TOR1AIP2: variants seen among roughly 807,000 people sequenced by gnomAD.
The protein encoded by TOR1AIP2 is torsin 1A interacting protein 2, also known as torsin-1A-interacting protein 2.
TOR1AIP2 carries 20 observed loss-of-function variants against 32.6 expected under a neutral mutation model. That is an observed-to-expected ratio of 0.61 (90% CI 0.43 to 0.89). The LOEUF is 0.89. Among genes scored for constraint, TOR1AIP2 ranks in the 40% least tolerant of loss-of-function variants. The pLI, the probability that TOR1AIP2 is intolerant of heterozygous loss-of-function variation, is 0.00. For synonymous variants in TOR1AIP2, 214 were observed against 210.8 expected (o/e 1.02, Z -0.13); for missense variants, 456 against 553.8 (o/e 0.82, Z 1.77).
chr1:179,848,934 T>C (rs1458134639), intron 5 of TOR1AIP2, among the ~76,000 whole-genome samples: 1 of 151,510 alleles, frequency 6.6e-6, no homozygotes, highest in Non-Finnish European at 1.5e-5. Context: ...ATCGAGACCA[T>C]CCTGGCTAAT....
intron 3 of TOR1AIP2, among the ~76,000 whole-genome samples, chr1:179,857,882 T>C (rs1175111474): frequency 1.3e-5 from 2 of 152,154 alleles, no homozygotes; most frequent in African/African-American, 4.8e-5. Context: ...TCACTTTATG[T>C]ATTAACTCAT....
intron 3 of TOR1AIP2, chr1:179,858,880 C>T (rs1276764800): frequency 6.0e-6 from 2 of 332,236 alleles, no homozygotes; most frequent in Non-Finnish European, 8.6e-6. Context: ...GGAGGGGAGG[C>T]AGGGTAGGTA....
At chr1:179,874,443 A>C (rs952653871) in intron 2 of TOR1AIP2, 1 of 152,228 alleles carries the variant, frequency 6.6e-6, no homozygotes, top group Non-Finnish European at 1.5e-5. Context: ...AAATAGTTAT[A>C]AAGTACCTTT....
chr1:179,860,933 T>C lies in TOR1AIP2; in HGVS notation c.-147+4503A>G, dbSNP rs540701581. The C allele has an allele frequency of 1.7e-5, 17 of 985,532 alleles. No homozygotes were observed. The African/African-American group carries it at 2.6e-4, about 15-fold the overall frequency. The allele number at this position is 985,532 out of a possible 1,614,324, so 61.0% of individuals were successfully genotyped here. ...TGGATGCCATGGACTCATTTCTGCC[T>C]TCCTGTTTGCCTGGGCTTCCTTCAC... On this transcript the variant is annotated intron_variant, in intron 3 of 6. Transcript: ENST00000609928.
intron 3 of TOR1AIP2, chr1:179,864,108 A>G (rs1317325529): frequency 4.1e-6 from 4 of 985,346 alleles, no homozygotes; most frequent in Non-Finnish European, 4.8e-6. Context: ...AAGTATGGAC[A>G]GGTGGCATTT....
chr1:179,850,736 C>G, intron 5 of TOR1AIP2, 109 bp downstream of exon 5: 2 of 1,383,606 alleles, frequency 1.4e-6, no homozygotes, highest in East Asian at 2.3e-5. Context: ...AGGCCTTACT[C>G]CTATGAAAGA....
intron 2 of TOR1AIP2, chr1:179,868,768 T>TA (rs1478703665): frequency 1.3e-5 from 2 of 151,940 alleles, no homozygotes; most frequent in African/African-American, 2.4e-5. Flanking sequence ...AGGAAAAAAA[T>TA]AAACACATGC....
intron 3 of TOR1AIP2, chr1:179,861,026 T>C: frequency 5.1e-6 from 5 of 985,478 alleles, no homozygotes; most frequent in Non-Finnish European, 6.0e-6. Context: ...TTGGTGGATG[T>C]ATTTTCTTTC....
rs572822426 is a variant in TOR1AIP2, at chr1:179,864,640, C to T, written c.-147+796G>A. 151 of 1,455,584 alleles carry T rather than the reference C, an allele frequency of 1.0e-4. No homozygotes were observed. The African/African-American group carries it at 2.0e-3, about 19-fold the overall frequency. The allele number at this position is 1,455,584 out of a possible 1,614,324, so 90.2% of individuals were successfully genotyped here. On this transcript the variant is annotated intron_variant, in intron 3 of 6. Transcript: ENST00000609928. ...TCATGTGAATAAAATATGTATAGGC[C>T]ACGGAAGCAGATCCAACAATTTAAG...
Position 179,846,172 on chromosome 1 carries a change from T to G in TOR1AIP2, c.1312A>C (p.Met438Leu). Residue 438 changes from methionine (M) to leucine (L), a missense_variant, in exon 7 of 7, where the codon ATG becomes CTG. Transcript: ENST00000609928. ...AGCCCACTCAATTTGTCTGAGTCCA[T>G]GTGGTTGAAGGAGGTGGGAGTGTCA... The part of the protein sequence containing the change: ...NSDTPTSFNH[M>L]DSDKLSGLWS... The G allele has an allele frequency of 6.2e-7, 1 of 1,614,166 alleles. No individual in the cohort carries two copies. The highest frequency in any genetic ancestry group is 8.5e-7 in the Non-Finnish European group (1 of 1,180,038).
chr1:179,852,812 C>T lies in TOR1AIP2; in HGVS notation c.-146-1G>A, dbSNP rs2148430738. The T allele has an allele frequency of 7.1e-7, 1 of 1,416,712 alleles. No individual in the cohort carries two copies. Among genetic ancestry groups the T allele is most frequent in the South Asian group, 1.6e-5 (1 of 61,952 alleles). 87.8% of individuals were successfully genotyped at this position (1,416,712 alleles called of 1,614,324 possible). A position where few individuals can be genotyped will look rare whatever the true frequency, so the allele number is the denominator to read the frequency against. On this transcript the variant is annotated splice_acceptor_variant, in intron 3 of 6. Transcript: ENST00000609928. LOFTEE classifies it low-confidence loss of function (5UTR_SPLICE). Reference sequence around the variant, plus strand: ...AGGAAATAAGGCATATATACAGTGACTAAAACAAAATGAAAAAAAATTAAA... The same window carrying T: ...AGGAAATAAGGCATATATACAGTGATTAAAACAAAATGAAAAAAAATTAAA...
At chr1:179,863,749 G>A (rs1172783909) in intron 3 of TOR1AIP2, 1 of 978,962 alleles carries the variant, frequency 1.0e-6, no homozygotes, top group African/African-American at 1.8e-5. Context: ...TGATAATATT[G>A]ATAATATTGC....
At chr1:179,860,252 G>A in intron 3 of TOR1AIP2, 1 of 963,526 alleles carries the variant, frequency 1.0e-6, no homozygotes, top group Non-Finnish European at 1.2e-6. Flanking sequence ...GGAGGCCCAG[G>A]TGAGAGGATC....
rs1246358109 is a variant in TOR1AIP2, at chr1:179,840,704, T to TG, written c.*5366dup. Reference sequence around the variant, plus strand: ...GTGGGAATTGAACAAAGAAAACACTTGGACACAGGGCAGGGAACATCACAC... The same window carrying TG: ...GTGGGAATTGAACAAAGAAAACACTTGGGACACAGGGCAGGGAACATCACAC... On this transcript the variant is annotated 3_prime_UTR_variant, in exon 7 of 7. Transcript: ENST00000609928. 1 of 116,044 alleles carries TG rather than the reference T, an allele frequency of 8.6e-6. No individual in the cohort carries two copies. Among genetic ancestry groups the TG allele is most frequent in the Non-Finnish European group, 1.6e-5 (1 of 61,394 alleles). 7.2% of individuals were successfully genotyped at this position (116,044 alleles called of 1,614,324 possible). A position where few individuals can be genotyped will look rare whatever the true frequency, so the allele number is the denominator to read the frequency against.
Position 179,845,994 on chromosome 1 carries a change from C to T in TOR1AIP2, c.*77G>A. 7.5e-7 allele frequency: 1 copy of T among 1,335,868 alleles called. No homozygotes were observed. The highest frequency in any genetic ancestry group is 1.0e-6 in the Non-Finnish European group (1 of 972,334). The allele number at this position is 1,335,868 out of a possible 1,614,324, so 82.8% of individuals were successfully genotyped here. ...TTCCTCAAGCTATTTTATCAACCTC[C>T]TTCCATATAAATGGAAGGTCTTTAA... is the stretch of plus-strand genomic sequence containing the variant. On this transcript the variant is annotated 3_prime_UTR_variant, in exon 7 of 7. Transcript: ENST00000609928.
chr1:179,856,196 A>G (rs1201811140), intron 3 of TOR1AIP2, among the ~76,000 whole-genome samples: 1 of 152,158 alleles, frequency 6.6e-6, no homozygotes, highest in Non-Finnish European at 1.5e-5. Context: ...AAAATGTTTA[A>G]TATCTTTACT....
rs1424404160 is a variant in TOR1AIP2 at position 179,877,271 on chromosome 1, T to C, written c.-598A>G. 1.3e-5 allele frequency: 2 copies of C among 152,366 alleles called. No homozygotes were observed. The highest frequency in any genetic ancestry group is 4.8e-5 in the African/African-American group (2 of 41,444). 9.4% of individuals were successfully genotyped at this position (152,366 alleles called of 1,614,324 possible). ...ACTGTTTGAGTGAGGCCAGGCGTGG[T>C]GGCTCACGCCTGTAATCCCAGCACT... On this transcript the variant is annotated 5_prime_UTR_variant, in exon 2 of 7. Coordinates refer to ENST00000609928, the MANE Select transcript of TOR1AIP2 (RefSeq NM_001199260.2).
chr1:179,864,531 A>G, intron 3 of TOR1AIP2: 3 of 1,209,178 alleles, frequency 2.5e-6, no homozygotes, highest in Non-Finnish European at 3.1e-6. Context: ...AAAACAGTTT[A>G]TAGGAAATAC....
At position 179,851,200 on chromosome 1, in the gene TOR1AIP2, T is replaced by A. The variant is rs749587597; in HGVS notation, c.198A>T (p.Thr66=). The change falls in exon 5 of 7, where the codon ACA becomes ACT. Residue 66 remains threonine, a synonymous_variant. Coordinates refer to ENST00000609928, the MANE Select transcript of TOR1AIP2 (RefSeq NM_001199260.2). Reference sequence around the variant, plus strand: ...CATCTGGACTTTCTGATTTATCACCTGTATCTGCACTTTCTGGACCTTCTG... The same window carrying A: ...CATCTGGACTTTCTGATTTATCACCAGTATCTGCACTTTCTGGACCTTCTG... ...VETEGPESAD[T]GDKSESPDEA... is the part of the protein sequence containing the mutation. 4 of 1,613,970 alleles carry A rather than the reference T, an allele frequency of 2.5e-6. No individual in the cohort carries two copies. In the African/African-American group the frequency reaches 5.3e-5, roughly 22 times the overall value.
Sources: gnomAD v4.1 joint callset for allele counts (sites outside exome capture counted in the v4.1 genomes callset) on GRCh38, gnomAD v4.1.1 for gene constraint, MANE v1.5 for transcripts, NCBI Gene and HGNC (gene_info 2026-07-23, HGNC 2026-07-21) for gene names.